The following NCR1 variants were observed in gnomAD, a reference collection of about 807,000 sequenced individuals.
The protein encoded by NCR1 is NK cell-activating receptor.
Under a neutral mutation model 32.5 loss-of-function variants are expected in NCR1, and 30 were observed. The ratio of observed to expected loss-of-function variants is 0.92; its 90% CI spans 0.69 to 1.25. The LOEUF (loss-of-function observed/expected upper bound fraction) is 1.25, where lower values mean the gene tolerates loss of function less well. Ranked by LOEUF, NCR1 falls within the 50% of genes most tolerant of loss-of-function variation. The pLI, the probability that NCR1 is intolerant of heterozygous loss-of-function variation, is 0.00. For missense variants in NCR1, 369 were observed against 380.7 expected (o/e 0.97, Z 0.26); for synonymous variants, 169 against 143.4 (o/e 1.18, Z -1.28).
chr19:54,912,343 T>G (rs2068015539), intron 6 of NCR1, 125 bp downstream of exon 6: 2 of 958,276 alleles, frequency 2.1e-6, no homozygotes, highest in Non-Finnish European at 3.3e-6. Flanking sequence ...ACACCTGTAA[T>G]CTCAGCCCTT....
chr19:54,909,796 G>A (rs865958913), intron 4 of NCR1, among the ~76,000 whole-genome samples: 13 of 151,518 alleles, frequency 8.6e-5, no homozygotes, highest in African/African-American at 2.9e-4. Context: ...TTAGCCAGAC[G>A]CAGTGGCGGA....
chr19:54,926,915 TTAAAAA>T, the NCR1 span, among the ~76,000 whole-genome samples: 290 of 130,860 alleles, frequency 2.2e-3, 6 homozygotes, highest in East Asian at 7.2e-3. Context: ...GACTCTGTCT[TTAAAAA>T]AAAAAAAAAA....
downstream of NCR1, among the ~76,000 whole-genome samples, chr19:54,914,079 G>GA (rs556827980): frequency 4.7e-4 from 52 of 111,220 alleles, no homozygotes; most frequent in East Asian, 1.5e-3. Context: ...AAAAAAAAAA[G>GA]AAAAAAAAAA....
the NCR1 span, chr19:54,937,988 T>C: frequency 5.7e-5 from 77 of 1,357,694 alleles, no homozygotes; most frequent in Non-Finnish European, 8.1e-5. Flanking sequence ...AAAACAAAAG[T>C]ACAAGAAGCT....
chr19:54,936,257 C>A, the NCR1 span: 2 of 1,612,440 alleles, frequency 1.2e-6, no homozygotes, highest in South Asian at 1.1e-5. Context: ...ACCGTGAGAC[C>A]CACCTCAGGT....
chr19:54,913,208 G>C, downstream of NCR1: 1 of 176,586 alleles, frequency 5.7e-6, no homozygotes, highest in Non-Finnish European at 1.2e-5. Flanking sequence ...TTACAGGCAT[G>C]TGCCACCACC....
At chr19:54,909,803 C>T (rs587730946) in intron 4 of NCR1, among the ~76,000 whole-genome samples, 12 of 151,690 alleles carry the variant, frequency 7.9e-5, no homozygotes, top group Non-Finnish European at 5.9e-5. Flanking sequence ...GACGCAGTGG[C>T]GGACACCTGT....
At chr19:54,916,546 G>A (rs2068138326), downstream of NCR1, among the ~76,000 whole-genome samples, 1 of 151,158 alleles carries the variant, frequency 6.6e-6, no homozygotes, top group Non-Finnish European at 1.5e-5. Flanking sequence ...CTGGTCTCAG[G>A]TGATCCACCC....
At chr19:54,922,778 C>CAAAAA in the NCR1 span, among the ~76,000 whole-genome samples, 143 of 39,332 alleles carry the variant, frequency 3.6e-3, 6 homozygotes, top group African/African-American at 4.6e-3. Flanking sequence ...AACTCCGTCT[C>CAAAAA]AAAAAAAAAA....
chr19:54,907,621 A>T (rs1383071366), intron 3 of NCR1, among the ~76,000 whole-genome samples: 1 of 151,862 alleles, frequency 6.6e-6, no homozygotes, highest in African/African-American at 2.4e-5. Context: ...CATGAGCAAT[A>T]CTTTGTGCTA....
chr19:54,920,659 T>G (rs1320289966), downstream of NCR1, among the ~76,000 whole-genome samples: 1 of 152,158 alleles, frequency 6.6e-6, no homozygotes, highest in Non-Finnish European at 1.5e-5. Context: ...AGACTCCATC[T>G]CTATAAAATA....
At chr19:54,921,543 G>A in the NCR1 span, among the ~76,000 whole-genome samples, 2 of 152,192 alleles carry the variant, frequency 1.3e-5, no homozygotes, top group African/African-American at 2.4e-5. Context: ...AGGCCAAGGC[G>A]GGCAGATCAC....
At chr19:54,914,400 G>A (rs2068090384), downstream of NCR1, among the ~76,000 whole-genome samples, 1 of 151,978 alleles carries the variant, frequency 6.6e-6, no homozygotes, top group African/African-American at 2.4e-5. Context: ...ATGCAGTGGT[G>A]CAATCTTGGC....
chr19:54,935,147 C>G, the NCR1 span, among the ~76,000 whole-genome samples: 1 of 152,128 alleles, frequency 6.6e-6, no homozygotes, highest in African/African-American at 2.4e-5. Flanking sequence ...GGGTAACATC[C>G]AGCCACTTCT....
the NCR1 span, among the ~76,000 whole-genome samples, chr19:54,925,379 G>T: frequency 6.6e-6 from 1 of 152,152 alleles, no homozygotes; most frequent in Non-Finnish European, 1.5e-5. Flanking sequence ...TATTTGAACT[G>T]CAGACGTGTG....
chr19:54,912,196 C>A lies in NCR1; in HGVS notation c.711C>A (p.Thr237=). Residue 237 remains threonine (T), a synonymous_variant, in exon 6 of 7, where the codon ACC becomes ACA. Transcript: ENST00000291890. The part of the protein sequence containing the change: ...PADTWGTYLL[T]TETGLQKDHA... ...ACACTTGGGGCACCTACCTTTTAAC[C>A]ACAGAGACGGGACTCCAGAAAGGTA... 6.2e-7 allele frequency: 1 copy of A among 1,613,924 alleles called. No individual in the cohort carries two copies. Among genetic ancestry groups the A allele is most frequent in the South Asian group, 1.1e-5 (1 of 91,072 alleles).
downstream of NCR1, among the ~76,000 whole-genome samples, chr19:54,914,829 T>A (rs2068101163): frequency 6.6e-6 from 1 of 151,366 alleles, no homozygotes; most frequent in Non-Finnish European, 1.5e-5. Flanking sequence ...AACCTTCGCC[T>A]CTGGGGCTCA....
At chr19:54,934,489 G>A in the NCR1 span, 35 of 1,614,064 alleles carry the variant, frequency 2.2e-5, no homozygotes, top group Non-Finnish European at 2.6e-5. This position sits in a 1 kb window ranked among gnomAD's most constrained non-coding sequence, Gnocchi z 6.7. Flanking sequence ...GGAGACTTAC[G>A]ACAACATCTG....
the NCR1 span, among the ~76,000 whole-genome samples, chr19:54,900,264 G>A: frequency 1.3e-5 from 2 of 152,002 alleles, no homozygotes; most frequent in African/African-American, 4.8e-5. Context: ...GGGTGCAGGC[G>A]GGCTGAGTCC....
Sources: gnomAD v4.1 joint callset for allele counts (sites outside exome capture counted in the v4.1 genomes callset) on GRCh38, gnomAD v4.1.1 for gene constraint, Gnocchi (gnomAD v3.1) non-coding constraint, MANE v1.5 for transcripts, NCBI Gene and HGNC (gene_info 2026-07-23, HGNC 2026-07-21) for gene names.